AATK: variants seen among roughly 807,000 people sequenced by gnomAD.
AATK encodes the protein serine/threonine-protein kinase LMTK1.
Under a neutral mutation model 114.3 loss-of-function variants are expected in AATK, and 91 were observed. The observed-to-expected ratio is 0.80, with a 90% CI of 0.67 to 0.95. The LOEUF is 0.95. Ranked by LOEUF, AATK falls within the 40% of genes least tolerant of loss-of-function variation. The pLI is 0.00. For synonymous variants in AATK, 1,075 were observed against 916.5 expected, an observed-to-expected ratio of 1.17 and a Z score of -3.12; for missense variants, 2,176 against 1,965.2, an observed-to-expected ratio of 1.11 and a Z score of -2.03.
chr17:81,159,834 C>A (rs553864168), intron 1 of AATK, among the ~76,000 whole-genome samples: 4 of 152,254 alleles, frequency 2.6e-5, no homozygotes, highest in Admixed American at 6.5e-5. Flanking sequence ...CCCTGCCCCC[C>A]AGCCTGGCTC....
intron 6 of AATK, 108 bp downstream of exon 6, chr17:81,127,475 T>C: frequency 8.8e-7 from 1 of 1,139,660 alleles, no homozygotes; most frequent in South Asian, 1.3e-5. Context: ...GTCTTGGCTT[T>C]AGGGAGGATG....
intron 1 of AATK, among the ~76,000 whole-genome samples, chr17:81,144,265 C>A (rs1047190707): frequency 6.6e-6 from 1 of 152,232 alleles, no homozygotes; most frequent in Non-Finnish European, 1.5e-5. Flanking sequence ...ATCACACAAA[C>A]AAATGGATCA....
chr17:81,140,674 A>AGC (rs1567819403), intron 1 of AATK, among the ~76,000 whole-genome samples: 7 of 76,682 alleles, frequency 9.1e-5, no homozygotes, highest in South Asian at 3.9e-4. Flanking sequence ...GGCCGTGGGG[A>AGC]CCATGGGGCC....
intron 1 of AATK, among the ~76,000 whole-genome samples, chr17:81,158,435 C>T (rs965971446): frequency 4.6e-5 from 7 of 152,328 alleles, no homozygotes; most frequent in African/African-American, 1.7e-4. Flanking sequence ...GAAAGCGGGG[C>T]GTGTGCCGGC....
intron 1 of AATK, among the ~76,000 whole-genome samples, chr17:81,138,804 T>A (rs1245470428): frequency 2.2e-5 from 2 of 92,006 alleles, no homozygotes; most frequent in Admixed American, 1.1e-4. Context: ...CAATACCCAC[T>A]TGCGCGTGCA....
At position 81,140,996 on chromosome 17, in the gene AATK, C is replaced by T. The variant is rs2061128713; in HGVS notation, c.56-6495G>A. Among the ~76,000 whole-genome samples, 7 of 134,712 alleles carry T rather than the reference C, an allele frequency of 5.2e-5. No individual in the cohort carries two copies. In the South Asian group the frequency reaches 1.7e-3, roughly 33 times the overall value. The allele number at this position is 134,712 out of a possible 152,430, so 88.4% of individuals were successfully genotyped here. ...GCCGTGGGGACTGTGAACTGTGGGG[C>T]CGTAAGCCGTGGGGCCCATGAGCCG... On this transcript the variant is annotated intron_variant, in intron 1 of 13. Coordinates refer to ENST00000326724, the MANE Select transcript of AATK (RefSeq NM_001080395.3).
intron 7 of AATK, chr17:81,125,911 C>A (rs770020068): frequency 2.1e-6 from 1 of 474,154 alleles, no homozygotes; most frequent in Admixed American, 2.3e-5. Flanking sequence ...ATGCTGGAGT[C>A]GCCTGAGTCA....
chr17:81,153,430 A>G (rs1205502475), intron 1 of AATK, among the ~76,000 whole-genome samples: 1 of 152,154 alleles, frequency 6.6e-6, no homozygotes, highest in Non-Finnish European at 1.5e-5. Flanking sequence ...CTGGGCGGAA[A>G]ATTCAGATGA....
chr17:81,122,455 A>T lies in AATK; in HGVS notation c.1481T>A (p.Leu494Gln). The part of the protein sequence containing the change: ...GRGAEAFPAT[L>Q]SPGRTARLQE... ...CAGGCGTGCGGTGCGGCCAGGGCTC[A>T]GCGTGGCCGGGAAGGCCTCCGCGCC... is the stretch of plus-strand genomic sequence containing the variant. Residue 494 changes from leucine to glutamine, a missense_variant, in exon 11 of 14, where the codon CTG becomes CAG. By Grantham distance (113) the Leu-to-Gln change is moderately radical. Around this residue, in one of 4 missense-constraint regions of AATK, gnomAD observed 1,701 missense variants for 1,394.7 expected, o/e 1.22. Transcript: ENST00000326724. The T allele has an allele frequency of 1.4e-6, 2 of 1,452,342 alleles. No individual in the cohort carries two copies. The allele number at this position is 1,452,342 out of a possible 1,614,324, so 90.0% of individuals were successfully genotyped here.
At position 81,134,902 on chromosome 17, in the gene AATK, G is replaced by A. The variant is rs558643606; in HGVS notation, c.56-401C>T. On this transcript the variant is annotated intron_variant, in intron 1 of 13. Coordinates refer to ENST00000326724, the MANE Select transcript of AATK (RefSeq NM_001080395.3). The stretch of plus-strand genomic sequence containing the variant: ...AGGGAACATGGACTCTGTCAAACAC[G>A]GGAGACCATGTTGCTGGCTGCTATC... Among the ~76,000 whole-genome samples, 7 of 152,314 alleles carry A rather than the reference G, an allele frequency of 4.6e-5. No individual in the cohort carries two copies. The South Asian group carries it at 1.2e-3, about 27-fold the overall frequency.
chr17:81,166,107 C>CCCCGCG lies in AATK; in HGVS notation c.-116_-115insCGCGGG. The CCCCGCG allele has an allele frequency of 1.9e-6, 1 of 537,500 alleles. No individual in the cohort carries two copies. The highest frequency in any genetic ancestry group is 2.4e-6 in the Non-Finnish European group (1 of 424,688). The allele number at this position is 537,500 out of a possible 1,614,324, so 33.3% of individuals were successfully genotyped here. A position where few individuals can be genotyped will look rare whatever the true frequency, so the allele number is the denominator to read the frequency against. On this transcript the variant is annotated 5_prime_UTR_variant, in exon 1 of 14. Coordinates refer to ENST00000326724, the MANE Select transcript of AATK (RefSeq NM_001080395.3). ...CCGCCGCAGGTGCGGAGCGCGCCGG[C>CCCCGCG]CCCCGCGCCCCGCGCCCCCCGCCGC... is the stretch of plus-strand genomic sequence containing the variant.
chr17:81,161,357 C>G (rs2659042), intron 1 of AATK, among the ~76,000 whole-genome samples: 44,388 of 152,130 alleles, frequency 0.29, 7,689 homozygotes, highest in South Asian at 0.42. Flanking sequence ...CACTCCTCCT[C>G]TTTCTATCAG....
intron 1 of AATK, among the ~76,000 whole-genome samples, chr17:81,161,236 C>A (rs2061426447): frequency 6.6e-6 from 1 of 152,148 alleles, no homozygotes; most frequent in Non-Finnish European, 1.5e-5. Context: ...CAGGGCCACT[C>A]CCTCGAGGCG....
chr17:81,164,271 G>A (rs906189), intron 1 of AATK, among the ~76,000 whole-genome samples: 44,185 of 152,106 alleles, frequency 0.29, 7,605 homozygotes, highest in East Asian at 0.4. Context: ...GGGAGGGCAG[G>A]AGACCCCTCT....
At chr17:81,163,392 C>T (rs1173034009) in intron 1 of AATK, among the ~76,000 whole-genome samples, 1 of 152,230 alleles carries the variant, frequency 6.6e-6, no homozygotes, top group Non-Finnish European at 1.5e-5. Context: ...CTGGACCCGG[C>T]CATCCTGCCC....
intron 1 of AATK, among the ~76,000 whole-genome samples, chr17:81,161,559 C>T (rs993393089): frequency 7.2e-5 from 11 of 152,224 alleles, no homozygotes; most frequent in Non-Finnish European, 1.2e-4. Flanking sequence ...CCCAGGCGGC[C>T]GGGGTGGTGG....
chr17:81,138,966 C>T (rs4969403), intron 1 of AATK, among the ~76,000 whole-genome samples: 90,102 of 151,586 alleles, frequency 0.59, 27,437 homozygotes, highest in East Asian at 0.94. Flanking sequence ...CACACGTGCG[C>T]GCGCACCCAC....
Position 81,127,689 on chromosome 17 carries a change from G to T in AATK, c.534-19C>A, listed in dbSNP as rs781462717. On this transcript the variant is annotated intron_variant, in intron 5 of 13. Coordinates refer to ENST00000326724, the MANE Select transcript of AATK (RefSeq NM_001080395.3). ...CAGGGCCCTGCGGGAGTGGACAGGCGGCCCCTGACTTGGGAGGAGGTGGGG... is the reference window on the plus strand; with the variant it reads ...CAGGGCCCTGCGGGAGTGGACAGGCTGCCCCTGACTTGGGAGGAGGTGGGG... 2.6e-6 allele frequency: 4 copies of T among 1,567,556 alleles called. No homozygotes were observed. In the African/African-American group the frequency reaches 5.4e-5, roughly 21 times the overall value.
At chr17:81,146,188 TAAAAAAAAA>T (rs34197372) in intron 1 of AATK, among the ~76,000 whole-genome samples, 5 of 124,654 alleles carry the variant, frequency 4.0e-5, no homozygotes, top group African/African-American at 1.5e-4. Flanking sequence ...GACTCCATAT[TAAAAAAAAA>T]AAAAAAAGAA....
Sources: allele counts gnomAD v4.1 joint callset (sites outside exome capture counted in the v4.1 genomes callset), GRCh38; gene constraint gnomAD v4.1.1; regional missense constraint gnomAD v4.1.1; transcripts MANE v1.5; gene names NCBI Gene and HGNC (gene_info 2026-07-23, HGNC 2026-07-21).